Variants in TSR1 observed in about 807,000 individuals in gnomAD.
TSR1 encodes TSR1 ribosome maturation factor.
TSR1 carries 81 observed loss-of-function variants against 90.9 expected under a neutral mutation model. That is an observed-to-expected ratio of 0.89 (90% CI 0.74 to 1.07). TSR1 has a LOEUF of 1.07. Ranked by LOEUF, TSR1 falls within the 50% of genes least tolerant of loss-of-function variation. TSR1 has a pLI of 0.00. For synonymous variants in TSR1, 362 were observed against 348.8 expected (o/e 1.04, Z -0.42); for missense variants, 989 against 987.3 (o/e 1.00, Z -0.02).
Position 2,333,088 on chromosome 17 carries a change from A to G in TSR1, c.1178T>C (p.Val393Ala). 6.2e-7 allele frequency: 1 copy of G among 1,613,998 alleles called. No homozygotes were observed. The highest frequency in any genetic ancestry group is 8.5e-7 in the Non-Finnish European group (1 of 1,179,992). ...LKESSKVVKK[V>A]PKGTSSYQAE... ...TTGGTAACTGGATGTTCCTTTGGGGACCTTCTTTACCACCTTAGAACTTTC... is the reference window on the plus strand; with the variant it reads ...TTGGTAACTGGATGTTCCTTTGGGGGCCTTCTTTACCACCTTAGAACTTTC... The change falls in exon 7 of 15, where the codon GTC (valine) becomes GCC (alanine). Residue 393 changes from valine to alanine, a missense_variant. By Grantham distance (64) the Val-to-Ala change is moderately conservative. Coordinates refer to ENST00000301364, the MANE Select transcript of TSR1 (RefSeq NM_018128.5).
Position 2,334,439 on chromosome 17 carries a change from C to A in TSR1, c.981+33G>T, listed in dbSNP as rs564235794. On this transcript the variant is annotated intron_variant, in intron 5 of 14. Transcript: ENST00000301364. ...TAAGTTTCCTTCCTGTGCCAACTTTCATATGAACATGAATTAAGAATATCA... is the reference window on the plus strand; with the variant it reads ...TAAGTTTCCTTCCTGTGCCAACTTTAATATGAACATGAATTAAGAATATCA... The A allele has an allele frequency of 2.5e-6, 4 of 1,589,896 alleles. No individual in the cohort carries two copies. In the South Asian group the frequency reaches 4.6e-5, roughly 18 times the overall value.
chr17:2,334,606 G>A lies in TSR1; in HGVS notation c.847C>T (p.Leu283=). ...KISGYVRGQT[L]NVNRLLHIVG... is the part of the protein sequence containing the mutation. ...ATATGCAGCAACCTATTGACATTCA[G>A]AGTCTGCCCTCGAACATAGCCTGAA... Residue 283 remains leucine (L), a synonymous_variant, in exon 5 of 15, where the codon CTG becomes TTG. Transcript: ENST00000301364. The A allele has an allele frequency of 1.9e-6, 3 of 1,614,134 alleles. No individual in the cohort carries two copies. The highest frequency in any genetic ancestry group is 2.5e-6 in the Non-Finnish European group (3 of 1,180,040).
In TSR1 at chr17:2,335,259, C is replaced by T. The variant is rs1246621925; in HGVS notation, c.556+1G>A. ...TGCACAATAAATGCTAACTCACTTA[C>T]TATAGGTCGGAAGGCCCTGAGCAAA... On this transcript the variant is annotated splice_donor_variant, in intron 4 of 14. Transcript: ENST00000301364. LOFTEE classifies it high-confidence loss of function. 5 of 1,613,418 alleles carry T rather than the reference C, an allele frequency of 3.1e-6. No homozygotes were observed. Among genetic ancestry groups the T allele is most frequent in the Non-Finnish European group, 4.2e-6 (5 of 1,179,850 alleles).
At position 2,335,241 on chromosome 17, in the gene TSR1, T is replaced by C; in HGVS notation, c.556+19A>G. 1 of 1,612,100 alleles carries C rather than the reference T, an allele frequency of 6.2e-7. No individual in the cohort carries two copies. ...TGCCTGACAAATTAAAGGTGCACAA[T>C]AAATGCTAACTCACTTACTATAGGT... On this transcript the variant is annotated intron_variant, in intron 4 of 14. Transcript: ENST00000301364.
intron 11 of TSR1, 104 bp from the exon 12 acceptor site, chr17:2,325,524 G>A: frequency 2.4e-6 from 2 of 833,640 alleles, no homozygotes; most frequent in Non-Finnish European, 3.7e-6. Flanking sequence ...ACCTATGGCA[G>A]CTTCTACTTC....
rs781315596 is a variant in TSR1, at chr17:2,323,732, G to A, written c.*464C>T. ...CTGGTGTTGGAGTGGCTGCTGTGCT[G>A]TCTCAACATTTTCAAACTGTTTCCC... On this transcript the variant is annotated 3_prime_UTR_variant, in exon 15 of 15. Coordinates refer to ENST00000301364, the MANE Select transcript of TSR1 (RefSeq NM_018128.5). 5.0e-6 allele frequency: 8 copies of A among 1,614,180 alleles called. No individual in the cohort carries two copies. The Admixed American group carries it at 8.3e-5, about 17-fold the overall frequency.
At position 2,323,390 on chromosome 17, in the gene TSR1, T is replaced by C. The variant is rs1356742624; in HGVS notation, c.*806A>G. 1 of 1,608,764 alleles carries C rather than the reference T, an allele frequency of 6.2e-7. No homozygotes were observed. Among genetic ancestry groups the C allele is most frequent in the South Asian group, 1.1e-5 (1 of 90,622 alleles). On this transcript the variant is annotated 3_prime_UTR_variant, in exon 15 of 15. Transcript: ENST00000301364. ...AGAAATAGCAAAGCATGGTGTAACTTCTTAGGCAGAAGAAACTTCCCTTAG... is the reference window on the plus strand; with the variant it reads ...AGAAATAGCAAAGCATGGTGTAACTCCTTAGGCAGAAGAAACTTCCCTTAG...
At position 2,323,301 on chromosome 17, in the gene TSR1, G is replaced by C; in HGVS notation, c.*895C>G. The C allele has an allele frequency of 2.5e-6, 4 of 1,614,050 alleles. No homozygotes were observed. The highest frequency in any genetic ancestry group is 3.4e-6 in the Non-Finnish European group (4 of 1,179,938). ...CTTGAACACCTGGCCTATTATCAGG[G>C]ACCTTGTGGATGATATCTTCACTGT... On this transcript the variant is annotated 3_prime_UTR_variant, in exon 15 of 15. Coordinates refer to ENST00000301364, the MANE Select transcript of TSR1 (RefSeq NM_018128.5).
chr17:2,324,412 T>G (rs761759755), intron 14 of TSR1, 38 bp from the exon 15 acceptor site: 7 of 1,599,840 alleles, frequency 4.4e-6, no homozygotes, highest in Non-Finnish European at 6.0e-6. Context: ...AAATTAAAAG[T>G]AGAAAATTTT....
At chr17:2,326,033 T>C (rs1161755770) in intron 11 of TSR1, among the ~76,000 whole-genome samples, 1 of 152,200 alleles carries the variant, frequency 6.6e-6, no homozygotes, top group Admixed American at 6.5e-5. Flanking sequence ...TTCAAGTGAT[T>C]CTTCTGCCTC....
chr17:2,327,345 A>G (rs1013445522), intron 11 of TSR1, among the ~76,000 whole-genome samples: 2 of 149,852 alleles, frequency 1.3e-5, no homozygotes, highest in Non-Finnish European at 3.0e-5. Context: ...TGAACCTGGG[A>G]CGGGGAGGCT....
rs756168332 is a variant in TSR1 at position 2,332,248 on chromosome 17, CCAA to C, written c.1414_1416del (p.Leu472del). On this transcript the variant is annotated inframe_deletion, in exon 8 of 15. Transcript: ENST00000301364. ...TCCAGTCTTTCTTGTTTATATTTCT[CCAA>C]CATTTTTGCCTCAGCTTCTTCATCT... is the stretch of plus-strand genomic sequence containing the variant. The C allele has an allele frequency of 5.0e-6, 8 of 1,614,124 alleles. No homozygotes were observed. The South Asian group carries it at 7.7e-5, about 16-fold the overall frequency.
chr17:2,334,507 T>C lies in TSR1; in HGVS notation c.946A>G (p.Ile316Val), dbSNP rs372951168. 18 of 1,614,046 alleles carry C rather than the reference T, an allele frequency of 1.1e-5. No individual in the cohort carries two copies. The African/African-American group carries it at 2.1e-4, about 19-fold the overall frequency. ...ATGTCTGGGTCCTTTTGGGGTTTAA[T>C]TCCTCTAGGATTTAAAGGGAAAGGG... is the stretch of plus-strand genomic sequence containing the variant. ...GDPFPLNPRGIKPQKDPDMAM... is the reference protein window; with the variant it reads ...GDPFPLNPRGVKPQKDPDMAM... Residue 316 changes from isoleucine to valine, a missense_variant, in exon 5 of 15, where the codon ATT (isoleucine) becomes GTT (valine). Ile to Val is a conservative substitution (Grantham distance 29, BLOSUM62 3). Coordinates refer to ENST00000301364, the MANE Select transcript of TSR1 (RefSeq NM_018128.5).
rs1330586438 is a variant in TSR1, at chr17:2,336,099, C to CTT, written c.137_138dup (p.Glu47LysfsTer68). ...TGCCTCTGGTCGACTCTGCTGAGTT[C>CTT]TTTTCTCACCTTCTTGCTTAGGGTT... On this transcript the variant is annotated frameshift_variant, in exon 2 of 15. Coordinates refer to ENST00000301364, the MANE Select transcript of TSR1 (RefSeq NM_018128.5). LOFTEE classifies it high-confidence loss of function. The CTT allele has an allele frequency of 6.2e-7, 1 of 1,614,224 alleles. No individual in the cohort carries two copies. Among genetic ancestry groups the CTT allele is most frequent in the East Asian group, 2.2e-5 (1 of 44,888 alleles).
chr17:2,335,162 C>A (rs1277221971), intron 4 of TSR1, 98 bp downstream of exon 4: 2 of 1,329,480 alleles, frequency 1.5e-6, no homozygotes, highest in African/African-American at 2.9e-5. Flanking sequence ...TACATCCCAC[C>A]ACCAGCTGAA....
In TSR1 at chr17:2,335,607, C is replaced by T. The variant is rs1210224280; in HGVS notation, c.325G>A (p.Gly109Arg). The change falls in exon 3 of 15, where the codon GGA becomes AGA. Residue 109 changes from glycine (G) to arginine (R), a missense_variant. Gly to Arg is a moderately radical substitution (Grantham distance 125, BLOSUM62 -2). Transcript: ENST00000301364. ...AMQLLQDRDT[G>R]TVHLNELGNT... ...CCCAATTCATTCAAGTGTACTGTTC[C>T]AGTGTCCCTATCTTGAAGCAGCTGC... The T allele has an allele frequency of 9.3e-6, 15 of 1,614,084 alleles. No individual in the cohort carries two copies. Among genetic ancestry groups the T allele is most frequent in the African/African-American group, 1.3e-5 (1 of 74,926 alleles).
At chr17:2,327,136 C>T (rs1416777026) in intron 11 of TSR1, among the ~76,000 whole-genome samples, 1 of 147,476 alleles carries the variant, frequency 6.8e-6, no homozygotes, top group Non-Finnish European at 1.5e-5. Flanking sequence ...TTCGTAGAGG[C>T]CGGGCATGTT....
intron 10 of TSR1, 125 bp from the exon 11 acceptor site, chr17:2,329,600 G>C: frequency 1.7e-6 from 2 of 1,183,378 alleles, no homozygotes; most frequent in Non-Finnish European, 2.4e-6. Context: ...CTAATTAATG[G>C]TGGAGTGTAG....
Position 2,335,505 on chromosome 17 carries a change from T to G in TSR1, c.421+6A>C, listed in dbSNP as rs758590953. On this transcript the variant is annotated splice_donor_region_variant and intron_variant, in intron 3 of 14. Transcript: ENST00000301364. The stretch of plus-strand genomic sequence containing the variant: ...CATAATACAAAATATTGGTGTATAC[T>G]CTAACCTGGCCTTGCTGAGGTGAAA... 2 of 1,613,072 alleles carry G rather than the reference T, an allele frequency of 1.2e-6. No individual in the cohort carries two copies. The highest frequency in any genetic ancestry group is 4.5e-5 in the East Asian group (2 of 44,854).
Sources: allele counts gnomAD v4.1 joint callset (sites outside exome capture counted in the v4.1 genomes callset), GRCh38; gene constraint gnomAD v4.1.1; transcripts MANE v1.5; gene names NCBI Gene and HGNC (gene_info 2026-07-23, HGNC 2026-07-21).